UGT1A8: variants seen among roughly 807,000 people sequenced by gnomAD.
UGT1A8 encodes the protein UDP-glucuronosyltransferase 1A8.
UGT1A8 carries 39 observed loss-of-function variants against 45.3 expected under a neutral mutation model. The observed-to-expected ratio is 0.86, with a 90% CI of 0.67 to 1.12. The LOEUF (loss-of-function observed/expected upper bound fraction) is 1.12, where lower values mean the gene tolerates loss of function less well. UGT1A8 is among the 50% of genes most tolerant of loss of function. The pLI, the probability that UGT1A8 is intolerant of heterozygous loss-of-function variation, is 0.00. For missense variants in UGT1A8, 719 were observed against 664.9 expected (o/e 1.08, Z -0.90); for synonymous variants, 275 against 249.2 (o/e 1.10, Z -0.97).
At chr2:233,660,664 G>T (rs1020289532) in intron 1 of UGT1A8, among the ~76,000 whole-genome samples, 1 of 152,122 alleles carries the variant, frequency 6.6e-6, no homozygotes, top group African/African-American at 2.4e-5. Context: ...TGCATAAGAC[G>T]ACAGAGTTAG....
At chr2:233,684,325 G>A (rs2074674405) in intron 1 of UGT1A8, among the ~76,000 whole-genome samples, 1 of 152,152 alleles carries the variant, frequency 6.6e-6, no homozygotes, top group Admixed American at 6.5e-5. Context: ...CAAGTTGTAG[G>A]ACGCTAAGAG....
At position 233,617,900 on chromosome 2, in the gene UGT1A8, C is replaced by A; in HGVS notation, c.193C>A (p.Gln65Lys). ...VVVVMPEVSW[Q>K]LGKSLNCTVK... ...TGTAGTCATGCCAGAGGTGAGTTGG[C>A]AACTGGGAAAATCACTGAATTGCAC... The change falls in exon 1 of 5, where the codon CAA becomes AAA. Residue 65 changes from glutamine to lysine, a missense_variant. By Grantham distance (53) the Gln-to-Lys change is moderately conservative. Transcript: ENST00000373450. 3 of 1,614,058 alleles carry A rather than the reference C, an allele frequency of 1.9e-6. No homozygotes were observed. The South Asian group carries it at 3.3e-5, about 18-fold the overall frequency.
At chr2:233,645,466 G>T (rs1274896002) in intron 1 of UGT1A8, among the ~76,000 whole-genome samples, 4 of 152,200 alleles carry the variant, frequency 2.6e-5, no homozygotes, top group Admixed American at 2.6e-4. Context: ...TCTGAGACAA[G>T]GCAAGTCCCT....
chr2:233,690,017 C>T (rs2074971660), intron 1 of UGT1A8: 1 of 439,614 alleles, frequency 2.3e-6, no homozygotes, highest in Non-Finnish European at 4.5e-6. Flanking sequence ...CATTTTGGAC[C>T]TTCCTCAAGA....
chr2:233,707,988 T>C (rs2075998720), intron 1 of UGT1A8, among the ~76,000 whole-genome samples: 1 of 152,244 alleles, frequency 6.6e-6, no homozygotes, highest in South Asian at 2.1e-4. Flanking sequence ...CTGGGTTGTC[T>C]ACTCGAATTA....
intron 1 of UGT1A8, among the ~76,000 whole-genome samples, chr2:233,733,906 G>A (rs576095795): frequency 6.6e-6 from 1 of 152,124 alleles, no homozygotes; most frequent in South Asian, 2.1e-4. Context: ...GTACCTCTCT[G>A]GTAGAATTCG....
intron 1 of UGT1A8, among the ~76,000 whole-genome samples, chr2:233,665,668 A>T (rs1037613360): frequency 6.6e-6 from 1 of 152,248 alleles, no homozygotes; most frequent in African/African-American, 2.4e-5. Flanking sequence ...ATCTGTAATA[A>T]TTGGCTGACC....
chr2:233,758,631 T>C (rs1046720713), intron 1 of UGT1A8, among the ~76,000 whole-genome samples: 1 of 152,152 alleles, frequency 6.6e-6, no homozygotes, highest in Non-Finnish European at 1.5e-5. Context: ...AAGTACCTAC[T>C]CTAAGGAGAA....
intron 1 of UGT1A8, among the ~76,000 whole-genome samples, chr2:233,695,134 T>C (rs112070935): frequency 8.5e-5 from 6 of 70,536 alleles, no homozygotes; most frequent in South Asian, 5.4e-4. Context: ...TCTTTTCTTT[T>C]TTTTTTTTTT....
chr2:233,718,877 C>T, intron 1 of UGT1A8: 3 of 1,613,970 alleles, frequency 1.9e-6, no homozygotes, highest in Non-Finnish European at 2.5e-6. Context: ...TGCTGCTCCT[C>T]CTCAGTGTCC....
chr2:233,672,238 G>T, intron 1 of UGT1A8: 1 of 1,613,980 alleles, frequency 6.2e-7, no homozygotes, highest in Non-Finnish European at 8.5e-7. Context: ...GAAAGCACAA[G>T]TACGAAGTAT....
intron 1 of UGT1A8, among the ~76,000 whole-genome samples, chr2:233,735,518 T>G (rs2078663521): frequency 6.6e-6 from 1 of 152,220 alleles, no homozygotes; most frequent in South Asian, 2.1e-4. Context: ...ACATTTAAGG[T>G]AAATATTGTT....
chr2:233,693,725 G>A (rs1435366760), intron 1 of UGT1A8: 1 of 1,614,208 alleles, frequency 6.2e-7, no homozygotes, highest in African/African-American at 1.3e-5. Context: ...CAAGAGAGAT[G>A]TGGATATAAT....
chr2:233,729,326 T>C (rs370995578), intron 1 of UGT1A8: 82 of 1,614,128 alleles, frequency 5.1e-5, no homozygotes, highest in Non-Finnish European at 6.7e-5. Flanking sequence ...GAGGTGAATA[T>C]GCACATCAAA....
At chr2:233,759,599 A>ACCCCCCCCCCCCCCCC (rs1553620419) in intron 1 of UGT1A8, among the ~76,000 whole-genome samples, 4 of 108,738 alleles carry the variant, frequency 3.7e-5, no homozygotes, top group East Asian at 3.1e-4. Flanking sequence ...CCCACCCCCG[A>ACCCCCCCCCCCCCCCC]CCCGCCCCAC....
rs1372233436 is a variant in UGT1A8, at chr2:233,618,360, T to A, written c.653T>A (p.Leu218Ter). Residue 218 changes from leucine (L) to a stop codon, truncating the protein, a stop_gained, in exon 1 of 5, where the codon TTA (leucine) becomes TAA (stop). Coordinates refer to ENST00000373450, the MANE Select transcript of UGT1A8 (RefSeq NM_019076.5). LOFTEE classifies it high-confidence loss of function. ...CACATCATGCACTTGGAGGAACATT[T>A]ATTTTGCCAGTATTTTTCCAAAAAT... ...RNHIMHLEEH[L>*]FCQYFSKNAL... The A allele has an allele frequency of 6.2e-7, 1 of 1,613,828 alleles. No homozygotes were observed. Among genetic ancestry groups the A allele is most frequent in the Non-Finnish European group, 8.5e-7 (1 of 1,179,866 alleles).
At chr2:233,693,126 G>A (rs1417755680) in intron 1 of UGT1A8, 9 of 1,614,224 alleles carry the variant, frequency 5.6e-6, no homozygotes, top group South Asian at 3.3e-5. Context: ...CACTGGCTTA[G>A]TATGAAGGAT....
At chr2:233,717,630 C>T (rs1290579754) in intron 1 of UGT1A8, among the ~76,000 whole-genome samples, 1 of 152,248 alleles carries the variant, frequency 6.6e-6, no homozygotes, top group Non-Finnish European at 1.5e-5. Flanking sequence ...CTGCCCACCT[C>T]ATCCTGGGGC....
chr2:233,757,895 TC>T (rs374634919), intron 1 of UGT1A8, among the ~76,000 whole-genome samples: 2 of 152,016 alleles, frequency 1.3e-5, no homozygotes, highest in Non-Finnish European at 2.9e-5. Context: ...AGAAACACTT[TC>T]CATGGACGTG....
Sources: gnomAD v4.1 joint callset for allele counts (sites outside exome capture counted in the v4.1 genomes callset) on GRCh38, gnomAD v4.1.1 for gene constraint, MANE v1.5 for transcripts, NCBI Gene and HGNC (gene_info 2026-07-23, HGNC 2026-07-21) for gene names.